Variants in TMEM50B observed in about 807,000 individuals in gnomAD.
The protein encoded by TMEM50B is transmembrane protein 50B.
In TMEM50B, 14 loss-of-function variants were observed where a neutral mutation model predicts 23.4. The observed-to-expected ratio is 0.60, with a 90% CI of 0.39 to 0.93. The LOEUF (loss-of-function observed/expected upper bound fraction) is 0.93, where lower values mean the gene tolerates loss of function less well. TMEM50B is among the 40% of genes least tolerant of loss of function. The pLI is 0.00. For missense variants in TMEM50B, 159 were observed against 193.0 expected, an observed-to-expected ratio of 0.82 and a Z score of 1.04; for synonymous variants, 64 against 62.3, an observed-to-expected ratio of 1.03 and a Z score of -0.13.
intron 6 of TMEM50B, among the ~76,000 whole-genome samples, chr21:33,452,402 G>A (rs1200374740): frequency 6.6e-6 from 1 of 152,170 alleles, no homozygotes. Context: ...GTCTGTGGCT[G>A]AGTACTGAAG....
intron 7 of TMEM50B, among the ~76,000 whole-genome samples, chr21:33,440,222 A>G (rs887825693): frequency 1.3e-5 from 2 of 152,232 alleles, no homozygotes; most frequent in African/African-American, 4.8e-5. Context: ...GTTAAAGTCA[A>G]AAGAAGAATA....
At chr21:33,461,576 G>A (rs2084216970) in intron 4 of TMEM50B, among the ~76,000 whole-genome samples, 1 of 152,040 alleles carries the variant, frequency 6.6e-6, no homozygotes, top group Non-Finnish European at 1.5e-5. Context: ...GGCCAAGGTG[G>A]GCTAATTGCC....
chr21:33,435,377 A>G (rs2083935494), intron 8 of TMEM50B, among the ~76,000 whole-genome samples: 10 of 152,228 alleles, frequency 6.6e-5, no homozygotes, highest in Admixed American at 6.5e-4. Context: ...AAAGGTTACA[A>G]TTTTAGAGAC....
intron 6 of TMEM50B, among the ~76,000 whole-genome samples, chr21:33,452,144 T>C (rs1313011981): frequency 6.6e-6 from 1 of 152,254 alleles, no homozygotes; most frequent in African/African-American, 2.4e-5. Context: ...CTCTAAAGAC[T>C]GCCTAAAATG....
downstream of TMEM50B, among the ~76,000 whole-genome samples, chr21:33,444,594 G>A (rs373790312): frequency 2.6e-5 from 4 of 151,888 alleles, no homozygotes; most frequent in East Asian, 7.8e-4. Flanking sequence ...TGGTGGGAGG[G>A]AAGTACACTG....
At chr21:33,466,957 G>A in intron 3 of TMEM50B, 53 bp downstream of exon 3, 1 of 1,464,548 alleles carries the variant, frequency 6.8e-7, no homozygotes, top group Non-Finnish European at 9.5e-7. Context: ...CACATTAACA[G>A]GAAAGTATTT....
At chr21:33,454,792 T>A (rs747013062) in intron 6 of TMEM50B, among the ~76,000 whole-genome samples, 6 of 152,076 alleles carry the variant, frequency 3.9e-5, no homozygotes, top group Non-Finnish European at 8.8e-5. Flanking sequence ...TAGCTAGGCA[T>A]CCTAAAGCAA....
chr21:33,443,649 G>C (rs1228387576), intron 7 of TMEM50B, among the ~76,000 whole-genome samples: 1 of 152,086 alleles, frequency 6.6e-6, no homozygotes. Context: ...TTACTATAAA[G>C]TACATTACAG....
At chr21:33,470,935 C>A (rs566789137) in intron 1 of TMEM50B, among the ~76,000 whole-genome samples, 1 of 152,226 alleles carries the variant, frequency 6.6e-6, no homozygotes, top group South Asian at 2.1e-4. Flanking sequence ...ATCAGCTGTT[C>A]CCCTTAGGAA....
chr21:33,447,137 C>G (rs1160394396), downstream of TMEM50B: 2 of 120,110 alleles, frequency 1.7e-5, no homozygotes, highest in East Asian at 5.6e-4. Context: ...GAGCAAAACT[C>G]CATCTGAAAA....
intron 1 of TMEM50B, among the ~76,000 whole-genome samples, chr21:33,472,784 A>G (rs747228061): frequency 6.6e-6 from 1 of 151,946 alleles, no homozygotes; most frequent in African/African-American, 2.4e-5. Context: ...AGGCAGGAGG[A>G]TCACTTGAAC....
intron 5 of TMEM50B, among the ~76,000 whole-genome samples, chr21:33,459,720 A>G (rs1017155699): frequency 3.3e-5 from 5 of 151,700 alleles, no homozygotes; most frequent in African/African-American, 1.2e-4. Context: ...GGTGTCAATG[A>G]AACGAAAGAT....
intron 1 of TMEM50B, among the ~76,000 whole-genome samples, chr21:33,474,852 G>A (rs1171909951): frequency 9.5e-5 from 5 of 52,490 alleles, no homozygotes; most frequent in African/African-American, 4.1e-4. Context: ...AAATAAAAAA[G>A]CAAGAGAAAG....
At position 33,432,895 on chromosome 21, in the gene TMEM50B, T is replaced by C. The variant is rs762385143; in HGVS notation, c.*2121-93A>G. 6.2e-6 allele frequency: 10 copies of C among 1,604,050 alleles called. 1 individual carries two copies. Among genetic ancestry groups the C allele is most frequent in the Middle Eastern group, 3.5e-4 (2 of 5,646 alleles). On this transcript the variant is annotated intron_variant and NMD_transcript_variant, in intron 8 of 8. Transcript: ENST00000420455. Reference sequence around the variant, plus strand: ...AGGTACGTGTGCACACATCTCTTTTTTTTTTTTTGAGACAGGGTCTTGCTC... The same window carrying C: ...AGGTACGTGTGCACACATCTCTTTTCTTTTTTTTGAGACAGGGTCTTGCTC...
chr21:33,478,137 A>T (rs1394580341), intron 1 of TMEM50B, among the ~76,000 whole-genome samples: 1 of 151,796 alleles, frequency 6.6e-6, no homozygotes, highest in Admixed American at 6.6e-5. Context: ...TCTGTCTCAA[A>T]AAATAAATAA....
chr21:33,464,290 C>T (rs1481241577), intron 4 of TMEM50B, among the ~76,000 whole-genome samples: 2 of 151,584 alleles, frequency 1.3e-5, no homozygotes, highest in Non-Finnish European at 2.9e-5. Context: ...CTCTGCCTCC[C>T]GGGTTCAAGC....
intron 1 of TMEM50B, among the ~76,000 whole-genome samples, chr21:33,471,820 G>C (rs1427244522): frequency 2.0e-5 from 3 of 152,036 alleles, no homozygotes; most frequent in African/African-American, 7.2e-5. Flanking sequence ...CGGATCACGA[G>C]GTCAGGAGAT....
chr21:33,451,962 T>C (rs1461412517), intron 6 of TMEM50B, among the ~76,000 whole-genome samples: 1 of 151,974 alleles, frequency 6.6e-6, no homozygotes, highest in Non-Finnish European at 1.5e-5. Context: ...TTAGAACAGG[T>C]CCAGCACACA....
intron 4 of TMEM50B, among the ~76,000 whole-genome samples, chr21:33,462,426 G>C (rs1213887461): frequency 1.3e-5 from 2 of 152,110 alleles, no homozygotes; most frequent in Non-Finnish European, 1.5e-5. Context: ...CGACGGGCTT[G>C]GGAACCAGAC....
Sources: allele counts gnomAD v4.1 joint callset (sites outside exome capture counted in the v4.1 genomes callset), GRCh38; gene constraint gnomAD v4.1.1; transcripts MANE v1.5; gene names NCBI Gene and HGNC (gene_info 2026-07-23, HGNC 2026-07-21).